Variants in PES1 observed in about 807,000 individuals in gnomAD.
PES1 encodes pescadillo ribosomal biogenesis factor 1, also known as pescadillo homolog.
Under a neutral mutation model 77.1 loss-of-function variants are expected in PES1, and 31 were observed. The ratio of observed to expected loss-of-function variants is 0.40; its 90% CI spans 0.30 to 0.54. The LOEUF is 0.54. Among genes scored for constraint, PES1 ranks in the 20% least tolerant of loss-of-function variants. PES1 has a pLI of 0.45. For missense variants in PES1, 658 were observed against 771.7 expected (o/e 0.85, Z 1.75); for synonymous variants, 282 against 303.0 (o/e 0.93, Z 0.72).
intron 1 of PES1, 76 bp from the exon 2 acceptor site, chr22:30,589,346 CCA>C (rs1470424451): frequency 1.2e-5 from 14 of 1,190,036 alleles, no homozygotes; most frequent in Non-Finnish European, 1.7e-5. Flanking sequence ...ATGCCTAGTT[CCA>C]GAGGCAACTA....
At chr22:30,581,312 TG>T in intron 8 of PES1, 21 bp downstream of exon 8, 5 of 1,611,362 alleles carry the variant, frequency 3.1e-6, no homozygotes, top group Non-Finnish European at 4.2e-6. Flanking sequence ...AGATGCCGGA[TG>T]ATGCTCCTGG....
At chr22:30,599,547 C>G (rs1271728984) in intron 2 of PES1, among the ~76,000 whole-genome samples, 3 of 152,136 alleles carry the variant, frequency 2.0e-5, no homozygotes, top group African/African-American at 7.2e-5. Flanking sequence ...GTAAAAATAA[C>G]AAATTTAATG....
chr22:30,585,398 A>C (rs987183149), intron 4 of PES1: 2 of 467,352 alleles, frequency 4.3e-6, no homozygotes, highest in African/African-American at 4.0e-5. Flanking sequence ...CATGGGTCAC[A>C]GAGAAGACAC....
At chr22:30,591,992 G>T (rs186171433), upstream of PES1, 3 of 1,365,706 alleles carry the variant, frequency 2.2e-6, no homozygotes, top group Admixed American at 1.1e-4. Context: ...GGAAAGATGG[G>T]GATTTCCTCC....
chr22:30,580,707 G>C lies in PES1; in HGVS notation c.913-6C>G. The C allele has an allele frequency of 6.2e-7, 1 of 1,612,936 alleles. No individual in the cohort carries two copies. The highest frequency in any genetic ancestry group is 8.5e-7 in the Non-Finnish European group (1 of 1,179,994). On this transcript the variant is annotated splice_polypyrimidine_tract_variant and splice_region_variant and intron_variant, in intron 9 of 14. Coordinates refer to ENST00000354694, the MANE Select transcript of PES1 (RefSeq NM_014303.4). ...TCCTCCTGCGCTGACATCTCCTGTT[G>C]AGAAAGGGGCCAGGCCTCGCACCAC... is the stretch of plus-strand genomic sequence containing the variant.
In PES1 at chr22:30,584,559, C is replaced by T. The variant is rs781087534; in HGVS notation, c.527G>A (p.Arg176His). The change falls in exon 5 of 15, where the codon CGT (arginine) becomes CAT (histidine). Residue 176 changes from arginine to histidine, a missense_variant. Coordinates refer to ENST00000354694, the MANE Select transcript of PES1 (RefSeq NM_014303.4). ...TCCCAGGCTCACCTTGCGCAGGGCA[C>T]GGGCAGCGATAATGTAGTGCATGAA... ...VEFMHYIIAA[R>H]ALRKVFLSIK... 106 of 1,610,644 alleles carry T rather than the reference C, an allele frequency of 6.6e-5. No homozygotes were observed. Among genetic ancestry groups the T allele is most frequent in the South Asian group, 8.8e-5 (8 of 90,632 alleles).
intron 9 of PES1, 118 bp from the exon 10 acceptor site, chr22:30,580,819 G>A (rs926014015): frequency 1.5e-5 from 22 of 1,492,200 alleles, no homozygotes; most frequent in Non-Finnish European, 2.0e-5. Context: ...TGCCTTCAAA[G>A]GAAACTCCAA....
chr22:30,599,576 C>G (rs1402673058), intron 2 of PES1, among the ~76,000 whole-genome samples: 1 of 152,128 alleles, frequency 6.6e-6, no homozygotes, highest in Non-Finnish European at 1.5e-5. Context: ...TGTCTAATAT[C>G]TCAGTTCTCA....
At position 30,578,802 on chromosome 22, in the gene PES1, C is replaced by T. The variant is rs769352872; in HGVS notation, c.1683+35G>A. On this transcript the variant is annotated intron_variant, in intron 14 of 14. Transcript: ENST00000354694. ...CACCTGTGCAGTTGGGTCTGGTGGC[C>T]ACACCTGGATCTCAAGTGGGTGGCA... 15 of 1,609,834 alleles carry T rather than the reference C, an allele frequency of 9.3e-6. No individual in the cohort carries two copies. In the South Asian group the frequency reaches 1.7e-4, roughly 18 times the overall value.
Position 30,588,739 on chromosome 22 carries a change from C to T in PES1, c.104+452G>A, listed in dbSNP as rs192084158. 4.8e-3 allele frequency among the ~76,000 whole-genome samples: 730 copies of T among 151,300 alleles called. 9 individuals carry two copies. The highest frequency in any genetic ancestry group is 0.024 in the South Asian group (115 of 4,786). ...TGGAGGTTGCAGTGAGCTGAGATCACGCCAATGCACTCCAGCCTGGCCAAC... is the reference window on the plus strand; with the variant it reads ...TGGAGGTTGCAGTGAGCTGAGATCATGCCAATGCACTCCAGCCTGGCCAAC... On this transcript the variant is annotated intron_variant, in intron 2 of 14. Transcript: ENST00000354694.
intron 3 of PES1, 69 bp downstream of exon 3, chr22:30,587,952 G>C (rs1569026343): frequency 2.6e-6 from 4 of 1,518,862 alleles, no homozygotes; most frequent in Middle Eastern, 2.3e-4. Flanking sequence ...ATCTGCCCAA[G>C]GTCACAGTTA....
At chr22:30,585,890 G>T (rs1042965788) in intron 4 of PES1, among the ~76,000 whole-genome samples, 1 of 152,156 alleles carries the variant, frequency 6.6e-6, no homozygotes, top group South Asian at 2.1e-4. Context: ...TGCAAGAAAG[G>T]CCTGCAGAGA....
intron 2 of PES1, among the ~76,000 whole-genome samples, chr22:30,599,159 A>T (rs1023627328): frequency 4.6e-5 from 7 of 152,180 alleles, no homozygotes; most frequent in Admixed American, 1.3e-4. Context: ...AGCATCCCAA[A>T]GTGCTGGGAT....
chr22:30,604,264 G>A (rs1369441017), intron 2 of PES1, among the ~76,000 whole-genome samples: 1 of 152,122 alleles, frequency 6.6e-6, no homozygotes, highest in African/African-American at 2.4e-5. Flanking sequence ...GTGCTTTTAG[G>A]GGGAAAAATA....
In PES1 at chr22:30,588,201, T is replaced by G. The variant is rs374856986; in HGVS notation, c.105-27A>C. 5.0e-6 allele frequency: 8 copies of G among 1,613,912 alleles called. No homozygotes were observed. In the African/African-American group the frequency reaches 8.0e-5, roughly 16 times the overall value. On this transcript the variant is annotated intron_variant, in intron 2 of 14. Coordinates refer to ENST00000354694, the MANE Select transcript of PES1 (RefSeq NM_014303.4). ...TGGAAGACAGAGGCCATCTGTTATG[T>G]CAGTTATGTGGGTAAAGGTGGGGAG... is the stretch of plus-strand genomic sequence containing the variant.
At chr22:30,599,127 TGAC>T (rs1297875356) in intron 2 of PES1, among the ~76,000 whole-genome samples, 1 of 151,990 alleles carries the variant, frequency 6.6e-6, no homozygotes, top group Non-Finnish European at 1.5e-5. Flanking sequence ...CTCAAACTCC[TGAC>T]AAGTGATCCA....
Position 30,584,412 on chromosome 22 carries a change from G to T in PES1, c.583C>A (p.Leu195Met), listed in dbSNP as rs1321349315. 1 of 1,612,700 alleles carries T rather than the reference G, an allele frequency of 6.2e-7. No homozygotes were observed. The highest frequency in any genetic ancestry group is 8.5e-7 in the Non-Finnish European group (1 of 1,179,352). The change falls in exon 6 of 15, where the codon CTG becomes ATG. Residue 195 changes from leucine to methionine, a missense_variant. Coordinates refer to ENST00000354694, the MANE Select transcript of PES1 (RefSeq NM_014303.4). Reference sequence around the variant, plus strand: ...GTGATCCACACGATGGGCTGCCCCAGTACCTCGGCCTGGTAGTAAATGCCT... The same window carrying T: ...GTGATCCACACGATGGGCTGCCCCATTACCTCGGCCTGGTAGTAAATGCCT... The part of the protein sequence containing the change: ...IKGIYYQAEV[L>M]GQPIVWITPY...
At chr22:30,582,451 C>T (rs977950562) in intron 6 of PES1, among the ~76,000 whole-genome samples, 1 of 152,206 alleles carries the variant, frequency 6.6e-6, no homozygotes, top group South Asian at 2.1e-4. Flanking sequence ...ATCCCAGCAG[C>T]AGGGGACACA....
chr22:30,585,209 G>A (rs2087061430), intron 4 of PES1: 1 of 468,750 alleles, frequency 2.1e-6, no homozygotes, highest in South Asian at 1.6e-5. Context: ...CGTAGGTTAT[G>A]TCTTCCATGC....
Sources: allele counts gnomAD v4.1 joint callset (sites outside exome capture counted in the v4.1 genomes callset), GRCh38; gene constraint gnomAD v4.1.1; transcripts MANE v1.5; gene names NCBI Gene and HGNC (gene_info 2026-07-23, HGNC 2026-07-21).